The following TMEM165 variants were observed in gnomAD, a reference collection of about 807,000 sequenced individuals.
The protein encoded by TMEM165 is transmembrane protein 165.
A neutral mutation model predicts 30.0 loss-of-function variants in TMEM165; 19 were observed. The observed-to-expected ratio is 0.63, with a 90% CI of 0.44 to 0.93. The LOEUF is 0.93. Ranked by LOEUF, TMEM165 falls within the 40% of genes least tolerant of loss-of-function variation. TMEM165 has a pLI of 0.00. For missense variants in TMEM165, 340 were observed against 417.0 expected (o/e 0.82, Z 1.61); for synonymous variants, 168 against 162.9 (o/e 1.03, Z -0.24).
chr4:55,445,582 C>CTTTTTTTTTTTTTTTTTTTTTTTTTTT lies in TMEM165; in HGVS notation c.409-6631_409-6630insTTTTTTTTTTTTTTTTTTTTTTTTTTT, dbSNP rs56157186. On this transcript the variant is annotated intron_variant, in intron 3 of 3. Coordinates refer to the TMEM165 transcript ENST00000608091. ...TCTCTGCATCTGCTATTTCTATATT[C>CTTTTTTTTTTTTTTTTTTTTTTTTTTT]TTTTTTTTTTTTTTTTTTTTTTTTT... Among the ~76,000 whole-genome samples, 66 of 68,590 alleles carry CTTTTTTTTTTTTTTTTTTTTTTTTTTT rather than the reference C, an allele frequency of 9.6e-4. 15 individuals carry two copies. Among genetic ancestry groups the CTTTTTTTTTTTTTTTTTTTTTTTTTTT allele is most frequent in the South Asian group, 1.6e-3 (2 of 1,250 alleles). 45.0% of individuals were successfully genotyped at this position (68,590 alleles called of 152,430 possible). A position where few individuals can be genotyped will look rare whatever the true frequency, so the allele number is the denominator to read the frequency against.
rs765745912 is a variant in TMEM165, at chr4:55,424,547, G to T, written c.802G>T (p.Gly268Cys). The T allele has an allele frequency of 6.2e-7, 1 of 1,611,344 alleles. No individual in the cohort carries two copies. Among genetic ancestry groups the T allele is most frequent in the South Asian group, 1.1e-5 (1 of 91,006 alleles). The stretch of plus-strand genomic sequence containing the variant: ...TGACGCTTGCTTCCAGGACCCCTAT[G>T]GTGTAGCCGTGGGTGGAACTGTGGG... ...IVLAAREDPY[G>C]VAVGGTVGHC... is the part of the protein sequence containing the mutation. The change falls in exon 5 of 6, where the codon GGT (glycine) becomes TGT (cysteine). Residue 268 changes from glycine to cysteine, a missense_variant. By Grantham distance (159) the Gly-to-Cys change is radical. Around this residue, in one of 2 missense-constraint regions of TMEM165, gnomAD observed 220 missense variants for 307.6 expected, o/e 0.72. Transcript: ENST00000381334.
chr4:55,409,887 T>A (rs1246227288), intron 1 of TMEM165, among the ~76,000 whole-genome samples: 2 of 152,236 alleles, frequency 1.3e-5, no homozygotes, highest in African/African-American at 4.8e-5. Context: ...TTTTTAGTTC[T>A]GCCTCTTAGG....
intron 3 of TMEM165, chr4:55,444,649 T>C (rs780830912): frequency 1.9e-6 from 3 of 1,614,014 alleles, no homozygotes; most frequent in Non-Finnish European, 2.5e-6. Context: ...CCCCTGACCA[T>C]GGACCATCTG....
At chr4:55,397,314 G>A (rs532794634) in intron 1 of TMEM165, 15 of 152,280 alleles carry the variant, frequency 9.9e-5, no homozygotes, top group Middle Eastern at 3.4e-3. Context: ...TTTTAGGAGA[G>A]TGATGTTCAG....
intron 1 of TMEM165, among the ~76,000 whole-genome samples, chr4:55,409,208 T>G (rs1447008737): frequency 6.6e-6 from 1 of 152,210 alleles, no homozygotes; most frequent in Non-Finnish European, 1.5e-5. Context: ...TTCTCCAGTA[T>G]TTAGCTCAGA....
chr4:55,448,591 CGCACGCGCGCGTGTGTGTGT>C (rs988053356), intron 3 of TMEM165, among the ~76,000 whole-genome samples: 5 of 81,114 alleles, frequency 6.2e-5, no homozygotes, highest in Admixed American at 1.5e-4. Context: ...TGTGCGCGCG[CGCACGCGCGCGTGTGTGTGT>C]GTGTGTGTGT....
intron 1 of TMEM165, among the ~76,000 whole-genome samples, chr4:55,400,290 AT>A (rs1352273127): frequency 1.0e-5 from 1 of 99,190 alleles, no homozygotes; most frequent in Non-Finnish European, 1.8e-5. Flanking sequence ...ATTATATATT[AT>A]ATATAATATT....
intron 1 of TMEM165, among the ~76,000 whole-genome samples, chr4:55,407,143 G>A (rs141126034): frequency 4.5e-4 from 68 of 152,302 alleles, no homozygotes; most frequent in Middle Eastern, 6.8e-3. Flanking sequence ...AAGAGCTGGA[G>A]TTGCTGGGAT....
At chr4:55,436,930 T>C (rs577650396) in intron 3 of TMEM165, among the ~76,000 whole-genome samples, 4 of 150,524 alleles carry the variant, frequency 2.7e-5, no homozygotes, top group Non-Finnish European at 5.9e-5. Flanking sequence ...TTTATTCTTT[T>C]AAGGGCCTTT....
At chr4:55,399,851 T>C (rs1245738137) in intron 1 of TMEM165, among the ~76,000 whole-genome samples, 1 of 152,032 alleles carries the variant, frequency 6.6e-6, no homozygotes, top group Non-Finnish European at 1.5e-5. Context: ...GATCCTTGTC[T>C]TTAAAACTAG....
intron 3 of TMEM165, among the ~76,000 whole-genome samples, chr4:55,436,892 C>CTT (rs35888413): frequency 0.23 from 22,926 of 98,078 alleles, 2,890 homozygotes; most frequent in East Asian, 0.43. Context: ...TTTGGGATGC[C>CTT]TTTTTTTTTT....
At chr4:55,400,027 T>C (rs79539492) in intron 1 of TMEM165, among the ~76,000 whole-genome samples, 11 of 145,680 alleles carry the variant, frequency 7.6e-5, no homozygotes, top group Admixed American at 4.2e-4. Flanking sequence ...TTTTTTTTTT[T>C]AGAGACAGGG....
intron 3 of TMEM165, chr4:55,434,852 A>G (rs1722755847): frequency 6.3e-6 from 1 of 158,106 alleles, no homozygotes; most frequent in African/African-American, 2.4e-5. Flanking sequence ...ATCTAGACAT[A>G]TACATATTTT....
At chr4:55,451,099 TTTCTC>T (rs1724405037) in intron 3 of TMEM165, among the ~76,000 whole-genome samples, 1 of 151,744 alleles carries the variant, frequency 6.6e-6, no homozygotes, top group South Asian at 2.1e-4. Context: ...CACTGCCCCA[TTTCTC>T]TTCTCTTTGT....
intron 3 of TMEM165, chr4:55,444,808 A>G: frequency 3.7e-6 from 6 of 1,610,972 alleles, no homozygotes; most frequent in Non-Finnish European, 5.1e-6. Flanking sequence ...GTACGGAAAA[A>G]GTGTAATATA....
intron 2 of TMEM165, 101 bp from the exon 3 acceptor site, chr4:55,416,971 A>G (rs1721757362): frequency 1.9e-6 from 2 of 1,041,796 alleles, no homozygotes; most frequent in African/African-American, 1.6e-5. Flanking sequence ...AATGTGAACC[A>G]TTTTTCTTTT....
chr4:55,442,186 G>C (rs992588004), intron 3 of TMEM165: 3 of 488,668 alleles, frequency 6.1e-6, no homozygotes, highest in African/African-American at 5.8e-5. Flanking sequence ...GTGTGCTGCA[G>C]AATTTGTATT....
intron 3 of TMEM165, among the ~76,000 whole-genome samples, chr4:55,443,215 CCTGTAATCCCAG>C (rs1723515177): frequency 6.6e-6 from 1 of 152,100 alleles, no homozygotes; most frequent in Admixed American, 6.6e-5. Flanking sequence ...GTGGCTCACA[CCTGTAATCCCAG>C]CACTTTGGGA....
intron 2 of TMEM165, chr4:55,415,224 T>C (rs1721674437): frequency 6.6e-6 from 1 of 152,248 alleles, no homozygotes; most frequent in African/African-American, 2.4e-5. Context: ...CTTTCCCATT[T>C]GTTTGTCTTT....
Sources: gnomAD v4.1 joint callset for allele counts (sites outside exome capture counted in the v4.1 genomes callset) on GRCh38, gnomAD v4.1.1 for gene constraint, gnomAD v4.1.1 regional missense constraint, MANE v1.5 for transcripts, NCBI Gene and HGNC (gene_info 2026-07-23, HGNC 2026-07-21) for gene names.